The following ESRRG variants were observed in gnomAD, a reference collection of about 807,000 sequenced individuals.
ESRRG encodes the protein estrogen related receptor gamma, also known as estrogen-related receptor gamma.
Under a neutral mutation model 44.0 loss-of-function variants are expected in ESRRG, and 13 were observed. The ratio of observed to expected loss-of-function variants is 0.30; its 90% CI spans 0.19 to 0.47. The LOEUF (loss-of-function observed/expected upper bound fraction) is 0.47, where lower values mean the gene tolerates loss of function less well. Ranked by LOEUF, ESRRG falls within the 20% of genes least tolerant of loss-of-function variation. ESRRG has a pLI of 1.00. For missense variants in ESRRG, 395 were observed against 580.6 expected, an observed-to-expected ratio of 0.68 and a Z score of 3.29; for synonymous variants, 215 against 214.6, an observed-to-expected ratio of 1.00 and a Z score of -0.02.
chr1:216,849,254 C>G (rs955298045), intron 2 of ESRRG, among the ~76,000 whole-genome samples: 1 of 152,114 alleles, frequency 6.6e-6, no homozygotes, highest in African/African-American at 2.4e-5. Context: ...GTGGCCCAAA[C>G]CCATAAAGGT....
chr1:216,649,682 A>T (rs2068479002), intron 3 of ESRRG, among the ~76,000 whole-genome samples: 1 of 152,144 alleles, frequency 6.6e-6, no homozygotes, highest in Non-Finnish European at 1.5e-5. Flanking sequence ...TCTCAAGGGA[A>T]GAGCAAAGTT....
At chr1:216,522,087 A>C (rs1332387825) in intron 5 of ESRRG, among the ~76,000 whole-genome samples, 1 of 151,862 alleles carries the variant, frequency 6.6e-6, no homozygotes, top group African/African-American at 2.4e-5. Flanking sequence ...AAAACAATAA[A>C]ATTTCATTTT....
At position 216,802,290 on chromosome 1, in the gene ESRRG, T is replaced by A. The variant is rs535415329; in HGVS notation, c.-13-124799A>T. Among the ~76,000 whole-genome samples the A allele has an allele frequency of 1.3e-4, 20 of 152,204 alleles. No homozygotes were observed. The East Asian group carries it at 3.5e-3, about 27-fold the overall frequency. On this transcript the variant is annotated intron_variant, in intron 2 of 7. Transcript: ENST00000359162. ...CACATCTTCCCAAGAAAATGGGGCA[T>A]TGGGACAAAGGAAGTGGGAGAATTG...
At chr1:216,673,264 G>A (rs796883166) in intron 2 of ESRRG, among the ~76,000 whole-genome samples, 3 of 152,278 alleles carry the variant, frequency 2.0e-5, no homozygotes, top group African/African-American at 7.2e-5. Context: ...CAGAAAGGAG[G>A]GGCCGTTCCA....
chr1:216,869,269 GT>G (rs1472895138), intron 2 of ESRRG, among the ~76,000 whole-genome samples: 1 of 152,056 alleles, frequency 6.6e-6, no homozygotes, highest in Non-Finnish European at 1.5e-5. Context: ...TTAGGTGAAG[GT>G]TTAACTTTTT....
chr1:217,136,486 G>T lies in ESRRG; in HGVS notation c.-230+1181C>A, dbSNP rs527470913. On this transcript the variant is annotated intron_variant, in intron 1 of 8. Transcript: ENST00000366940. The stretch of plus-strand genomic sequence containing the variant: ...GGGTCACGTCATCGCTTGCTTGGGG[G>T]CGCCAGCTCTAGCGTAAGCCTGAGC... Among the ~76,000 whole-genome samples the T allele has an allele frequency of 5.9e-5, 9 of 152,310 alleles. No homozygotes were observed. In the South Asian group the frequency reaches 1.9e-3, roughly 32 times the overall value.
At chr1:217,067,728 A>G (rs566872145) in intron 1 of ESRRG, among the ~76,000 whole-genome samples, 2 of 152,320 alleles carry the variant, frequency 1.3e-5, no homozygotes, top group East Asian at 3.9e-4. Flanking sequence ...AAGCTAATAC[A>G]CAGAGCTGTA....
intron 2 of ESRRG, among the ~76,000 whole-genome samples, chr1:216,841,803 C>G (rs895341707): frequency 6.6e-6 from 1 of 151,760 alleles, no homozygotes; most frequent in African/African-American, 2.4e-5. Flanking sequence ...CTGGGTTCAG[C>G]AAATAGAGCA....
chr1:216,781,330 G>C (rs1187147246), intron 2 of ESRRG, among the ~76,000 whole-genome samples: 1 of 151,608 alleles, frequency 6.6e-6, no homozygotes, highest in Non-Finnish European at 1.5e-5. Context: ...TAAGGCCATA[G>C]AGAAATGAGA....
chr1:216,506,845 G>T lies in ESRRG; in HGVS notation c.*94C>A, dbSNP rs2041324591. 2 of 1,406,290 alleles carry T rather than the reference G, an allele frequency of 1.4e-6. No individual in the cohort carries two copies. The highest frequency in any genetic ancestry group is 1.4e-5 in the South Asian group (1 of 72,244). 87.1% of individuals were successfully genotyped at this position (1,406,290 alleles called of 1,614,324 possible). ...TCAGTGCAGTCTGTTGATTTTTGAT[G>T]TTGTTAACTAAACTCTAAGTTTCTT... On this transcript the variant is annotated 3_prime_UTR_variant, in exon 7 of 7. Coordinates refer to ENST00000408911, the MANE Select transcript of ESRRG (RefSeq NM_001438.4).
chr1:216,853,620 C>T (rs1019487462), intron 2 of ESRRG, among the ~76,000 whole-genome samples: 6 of 152,174 alleles, frequency 3.9e-5, no homozygotes, highest in Non-Finnish European at 5.9e-5. Flanking sequence ...CTCCCACACT[C>T]AGTGTATCCA....
intron 1 of ESRRG, among the ~76,000 whole-genome samples, chr1:217,079,230 G>C (rs1376639144): frequency 6.6e-6 from 1 of 152,202 alleles, no homozygotes; most frequent in Non-Finnish European, 1.5e-5. Flanking sequence ...TTCATTAACT[G>C]TGAGTTCCTC....
intron 5 of ESRRG, among the ~76,000 whole-genome samples, chr1:216,543,215 A>T (rs2053431206): frequency 6.6e-6 from 1 of 152,034 alleles, no homozygotes; most frequent in South Asian, 2.1e-4. Flanking sequence ...CCATCCATTA[A>T]ATCCATGGAA....
At chr1:216,655,802 C>T (rs576900833) in intron 2 of ESRRG, among the ~76,000 whole-genome samples, 1 of 152,278 alleles carries the variant, frequency 6.6e-6, no homozygotes, top group Non-Finnish European at 1.5e-5. Flanking sequence ...CCAGGCCCTC[C>T]CATTGAGTTA....
chr1:216,710,143 T>C (rs2083300925), intron 1 of ESRRG, among the ~76,000 whole-genome samples: 1 of 152,220 alleles, frequency 6.6e-6, no homozygotes, highest in Non-Finnish European at 1.5e-5. Flanking sequence ...TATCTTCCAG[T>C]CCTGCCGTCT....
chr1:216,923,965 T>A (rs2062174468), intron 2 of ESRRG, among the ~76,000 whole-genome samples: 1 of 152,110 alleles, frequency 6.6e-6, no homozygotes, highest in Admixed American at 6.6e-5. Flanking sequence ...AGGTAGACAA[T>A]GATTTATGTT....
Position 216,509,366 on chromosome 1 carries a change from T to C in ESRRG, c.1133-2183A>G, listed in dbSNP as rs559016430. Among the ~76,000 whole-genome samples, 5 of 152,348 alleles carry C rather than the reference T, an allele frequency of 3.3e-5. No individual in the cohort carries two copies. The South Asian group carries it at 1.0e-3, about 32-fold the overall frequency. ...CCTTGATAAGAGGCAAAACTAATTA[T>C]TATGAATTTCCTCTTTAAATTTTCC... On this transcript the variant is annotated intron_variant, in intron 6 of 6. Coordinates refer to ENST00000408911, the MANE Select transcript of ESRRG (RefSeq NM_001438.4).
chr1:217,063,389 G>A (rs181170939), intron 1 of ESRRG, among the ~76,000 whole-genome samples: 2 of 152,292 alleles, frequency 1.3e-5, no homozygotes, highest in African/African-American at 4.8e-5. Context: ...TACATGCTTT[G>A]AAGTGTGGAG....
chr1:217,127,259 C>A (rs904333370), intron 1 of ESRRG, among the ~76,000 whole-genome samples: 2 of 152,108 alleles, frequency 1.3e-5, no homozygotes, highest in African/African-American at 4.8e-5. Context: ...TTTATTATTG[C>A]CTTTTGCTTA....
Sources: allele counts gnomAD v4.1 joint callset (sites outside exome capture counted in the v4.1 genomes callset), GRCh38; gene constraint gnomAD v4.1.1; transcripts MANE v1.5; gene names NCBI Gene and HGNC (gene_info 2026-07-23, HGNC 2026-07-21).